Variants in LYPD5 observed in about 807,000 individuals in gnomAD.
The protein encoded by LYPD5 is LY6/PLAUR domain containing 5.
Under a neutral mutation model 19.1 loss-of-function variants are expected in LYPD5, and 21 were observed. The ratio of observed to expected loss-of-function variants is 1.10; its 90% CI spans 0.78 to 1.58. The LOEUF is 1.58. Ranked by LOEUF, LYPD5 falls within the 40% of genes most tolerant of loss-of-function variation. LYPD5 has a pLI of 0.00. For missense variants in LYPD5, 287 were observed against 329.8 expected, an observed-to-expected ratio of 0.87 and a Z score of 1.00; for synonymous variants, 128 against 142.7, an observed-to-expected ratio of 0.90 and a Z score of 0.74.
chr19:43,816,025 C>T (rs190831956), intron 1 of LYPD5, among the ~76,000 whole-genome samples: 29 of 148,760 alleles, frequency 1.9e-4, no homozygotes, highest in African/African-American at 6.9e-4. Context: ...TGAGCCACCA[C>T]GCCCCACTCT....
chr19:43,806,889 G>T (rs536205487), upstream of LYPD5, among the ~76,000 whole-genome samples: 1 of 152,174 alleles, frequency 6.6e-6, no homozygotes, highest in Non-Finnish European at 1.5e-5. Flanking sequence ...TGCTCAAAAG[G>T]TTGAGGACCG....
chr19:43,810,820 C>A (rs1246370952), intron 1 of LYPD5, among the ~76,000 whole-genome samples: 1 of 151,598 alleles, frequency 6.6e-6, no homozygotes, highest in African/African-American at 2.4e-5. Context: ...AGTAGAGATG[C>A]GGTTTCACCA....
Position 43,797,774 on chromosome 19 carries a change from G to C in LYPD5, c.573C>G (p.Thr191=). 6.2e-7 allele frequency: 1 copy of C among 1,613,936 alleles called. No individual in the cohort carries two copies. The highest frequency in any genetic ancestry group is 2.2e-5 in the East Asian group (1 of 44,878). The change falls in exon 5 of 5, where the codon ACC becomes ACG. Residue 191 remains threonine (T), a synonymous_variant. Coordinates refer to ENST00000377950, the MANE Select transcript of LYPD5 (RefSeq NM_001031749.3). ...IRTCHRPSCT[T]EGTTSPWTAI... ...CTGTCCAGGGGCTGGTGGTGCCCTC[G>C]GTGGTGCAGGAGGGCCGGTGGCAGG...
At position 43,797,386 on chromosome 19, in the gene LYPD5, TC is replaced by T. The variant is rs1480880935; in HGVS notation, c.*204del. 9 of 555,180 alleles carry T rather than the reference TC, an allele frequency of 1.6e-5. No individual in the cohort carries two copies. The highest frequency in any genetic ancestry group is 2.9e-5 in the Non-Finnish European group (9 of 314,124). 34.4% of individuals were successfully genotyped at this position (555,180 alleles called of 1,614,324 possible). ...GGGGCACGACATGGCTGTTTTGCCC[TC>T]CCCGGGGATGCTGGTGACTGTGTCC... On this transcript the variant is annotated 3_prime_UTR_variant, in exon 5 of 5. Transcript: ENST00000377950.
intron 1 of LYPD5, among the ~76,000 whole-genome samples, chr19:43,800,643 AG>A (rs1165490089): frequency 6.6e-6 from 1 of 152,160 alleles, no homozygotes; most frequent in East Asian, 1.9e-4. Flanking sequence ...CAGGAAAATG[AG>A]ATCACAAAAA....
upstream of LYPD5, among the ~76,000 whole-genome samples, chr19:43,803,683 T>TTTTCTA (rs1454365672): frequency 6.6e-6 from 1 of 152,208 alleles, no homozygotes; most frequent in African/African-American, 2.4e-5. Flanking sequence ...CTCGGTATTG[T>TTTTCTA]TTTCTATTTC....
At chr19:43,819,495 G>C (rs1970402293) in intron 1 of LYPD5, among the ~76,000 whole-genome samples, 1 of 151,764 alleles carries the variant, frequency 6.6e-6, no homozygotes, top group Non-Finnish European at 1.5e-5. Context: ...TTTTTCTGAA[G>C]GTGAACCGGG....
At chr19:43,798,116 CCTTCCTCAGAGCAGGGCCAGGCTT>C (rs1970159775) in intron 4 of LYPD5, among the ~76,000 whole-genome samples, 1 of 149,466 alleles carries the variant, frequency 6.7e-6, no homozygotes, top group Non-Finnish European at 1.5e-5. Flanking sequence ...GGCATGGCCT[CCTTCCTCAGAGCAGGGCCAGGCTT>C]CTCCCTCAGA....
upstream of LYPD5, among the ~76,000 whole-genome samples, chr19:43,805,774 C>T (rs1302424199): frequency 6.6e-6 from 1 of 152,256 alleles, no homozygotes; most frequent in Non-Finnish European, 1.5e-5. Context: ...TCCCAAAGTG[C>T]TGGGATTACA....
At position 43,798,453 on chromosome 19, in the gene LYPD5, A is replaced by G. The variant is rs765961699; in HGVS notation, c.517+2T>C. 6 of 1,605,394 alleles carry G rather than the reference A, an allele frequency of 3.7e-6. No individual in the cohort carries two copies. Among genetic ancestry groups the G allele is most frequent in the Non-Finnish European group, 5.1e-6 (6 of 1,179,934 alleles). ...GGCCCTTCCACCCTTCCAGCCCCTT[A>G]CCAACTGTCATTCTGCCATTGCCCT... is the stretch of plus-strand genomic sequence containing the variant. On this transcript the variant is annotated splice_donor_variant, in intron 4 of 4. Transcript: ENST00000377950. LOFTEE classifies it high-confidence loss of function.
At chr19:43,818,001 A>G (rs1970387539) in intron 1 of LYPD5, among the ~76,000 whole-genome samples, 2 of 152,226 alleles carry the variant, frequency 1.3e-5, no homozygotes, top group South Asian at 4.1e-4. Flanking sequence ...GGCATGAACT[A>G]CTGCGCCCAG....
At chr19:43,806,261 T>C (rs1456771073), upstream of LYPD5, among the ~76,000 whole-genome samples, 1 of 152,212 alleles carries the variant, frequency 6.6e-6, no homozygotes, top group African/African-American at 2.4e-5. Flanking sequence ...CTATTGTGAA[T>C]TGCGTATGCA....
intron 1 of LYPD5, among the ~76,000 whole-genome samples, chr19:43,811,529 T>A (rs899294623): frequency 5.3e-5 from 8 of 152,022 alleles, no homozygotes; most frequent in African/African-American, 1.7e-4. Flanking sequence ...CTACTAAAAA[T>A]ACAAAAATTA....
chr19:43,810,691 G>A (rs542663029), intron 1 of LYPD5, among the ~76,000 whole-genome samples: 189 of 150,400 alleles, frequency 1.3e-3, no homozygotes, highest in Non-Finnish European at 2.3e-3. Context: ...GGAATGCAGC[G>A]ATCTTGGCTC....
At chr19:43,806,112 G>C (rs1472847700), upstream of LYPD5, among the ~76,000 whole-genome samples, 3 of 152,166 alleles carry the variant, frequency 2.0e-5, no homozygotes, top group Non-Finnish European at 2.9e-5. Flanking sequence ...TAGGAACGGG[G>C]CCGCACAGCA....
At chr19:43,800,349 A>G (rs949956001) in intron 1 of LYPD5, among the ~76,000 whole-genome samples, 1 of 152,176 alleles carries the variant, frequency 6.6e-6, no homozygotes, top group Admixed American at 6.5e-5. Flanking sequence ...TCACAAATAT[A>G]CACAGAATAT....
chr19:43,808,071 G>C (rs1306205826), intron 1 of LYPD5, among the ~76,000 whole-genome samples: 1 of 152,160 alleles, frequency 6.6e-6, no homozygotes, highest in African/African-American at 2.4e-5. Context: ...AAAAATTGAT[G>C]TGAAACTACT....
upstream of LYPD5, among the ~76,000 whole-genome samples, chr19:43,804,291 A>C (rs1227216263): frequency 6.6e-6 from 1 of 152,170 alleles, no homozygotes; most frequent in African/African-American, 2.4e-5. Flanking sequence ...GGAGGGTAGG[A>C]GCCTCACTTT....
At chr19:43,817,693 G>C (rs1970384713) in intron 1 of LYPD5, among the ~76,000 whole-genome samples, 1 of 151,678 alleles carries the variant, frequency 6.6e-6, no homozygotes, top group African/African-American at 2.4e-5. Context: ...GTTTCCACTT[G>C]GCTCTTTATA....
Sources: gnomAD v4.1 joint callset for allele counts (sites outside exome capture counted in the v4.1 genomes callset) on GRCh38, gnomAD v4.1.1 for gene constraint, MANE v1.5 for transcripts, NCBI Gene and HGNC (gene_info 2026-07-23, HGNC 2026-07-21) for gene names.